The following SIL1 variants were observed in gnomAD, a reference collection of about 807,000 sequenced individuals.
SIL1 encodes the protein nucleotide exchange factor SIL1.
Under a neutral mutation model 49.1 loss-of-function variants are expected in SIL1, and 40 were observed. The ratio of observed to expected loss-of-function variants is 0.81; its 90% CI spans 0.63 to 1.06. SIL1 has a LOEUF of 1.06. Among genes scored for constraint, SIL1 ranks in the 50% least tolerant of loss-of-function variants. The pLI is 0.00. For synonymous variants in SIL1, 253 were observed against 250.8 expected (o/e 1.01, Z -0.08); for missense variants, 500 against 572.6 (o/e 0.87, Z 1.29).
At chr5:139,040,800 A>G (rs565426657) in intron 5 of SIL1, among the ~76,000 whole-genome samples, 3 of 152,206 alleles carry the variant, frequency 2.0e-5, no homozygotes, top group African/African-American at 7.2e-5. Flanking sequence ...TTAATTACAA[A>G]AACCAGCAAC....
chr5:139,142,214 G>A (rs548871564), intron 1 of SIL1, among the ~76,000 whole-genome samples: 2 of 152,222 alleles, frequency 1.3e-5, no homozygotes, highest in African/African-American at 2.4e-5. Context: ...TGCCTGTTAA[G>A]AAGGGTAGCA....
intron 7 of SIL1, among the ~76,000 whole-genome samples, chr5:138,976,151 T>C (rs1256061555): frequency 6.6e-6 from 1 of 152,156 alleles, no homozygotes; most frequent in African/African-American, 2.4e-5. Context: ...ACGGCCCAGA[T>C]ATTCCAGCCC....
At chr5:139,089,967 C>T (rs900209782) in intron 3 of SIL1, among the ~76,000 whole-genome samples, 2 of 152,130 alleles carry the variant, frequency 1.3e-5, no homozygotes, top group African/African-American at 2.4e-5. Flanking sequence ...ATAAATTTAA[C>T]CTCAATGTAA....
intron 7 of SIL1, among the ~76,000 whole-genome samples, chr5:138,959,897 C>A (rs929209425): frequency 6.6e-6 from 1 of 152,238 alleles, no homozygotes; most frequent in East Asian, 1.9e-4. Context: ...GGTCAAATCC[C>A]TAAAGGCTGC....
chr5:138,989,713 A>T (rs1273413519), intron 7 of SIL1, among the ~76,000 whole-genome samples: 4 of 152,300 alleles, frequency 2.6e-5, no homozygotes, highest in Non-Finnish European at 5.9e-5. Context: ...GCAAAAGGGG[A>T]AACTGCAGCT....
chr5:139,157,123 C>A (rs1751422135), intron 1 of SIL1, among the ~76,000 whole-genome samples: 1 of 152,230 alleles, frequency 6.6e-6, no homozygotes, highest in Admixed American at 6.5e-5. Flanking sequence ...CCACCAACAT[C>A]ACTGCAAAAG....
chr5:139,105,303 CAGA>C (rs1770675685), intron 3 of SIL1, among the ~76,000 whole-genome samples: 1 of 152,146 alleles, frequency 6.6e-6, no homozygotes, highest in African/African-American at 2.4e-5. Flanking sequence ...GGGTCCATTC[CAGA>C]AGAAGCTAGG....
chr5:138,978,190 A>C, intron 7 of SIL1, among the ~76,000 whole-genome samples: 1 of 131,592 alleles, frequency 7.6e-6, no homozygotes, highest in East Asian at 2.7e-4. Flanking sequence ...GCCCCCCCAT[A>C]CCTATTACTA....
intron 2 of SIL1, 42 bp downstream of exon 2, chr5:139,127,697 A>G (rs1750780667): frequency 1.3e-6 from 2 of 1,506,494 alleles, no homozygotes; most frequent in Admixed American, 1.8e-5. Flanking sequence ...CCTTCTCAAG[A>G]CCTCATCAAG....
intron 7 of SIL1, among the ~76,000 whole-genome samples, chr5:138,981,981 C>T (rs1317297780): frequency 5.9e-5 from 9 of 152,172 alleles, no homozygotes; most frequent in Non-Finnish European, 1.5e-5. Flanking sequence ...CCTCCCCAAG[C>T]CTCAGTTTCT....
In SIL1 at chr5:139,021,243, A is replaced by T; in HGVS notation, c.695T>A (p.Ile232Asn). Reference sequence around the variant, plus strand: ...GGGCTCTGTGCTGTTCAGCCCATTGATCACCACTTGAAGACCACCAAAGGA... The same window carrying T: ...GGGCTCTGTGCTGTTCAGCCCATTGTTCACCACTTGAAGACCACCAAAGGA... ...LLSFGGLQVV[I>N]NGLNSTEPLV... The change falls in exon 7 of 10, where the codon ATC becomes AAC. Residue 232 changes from isoleucine (I) to asparagine (N), a missense_variant. Transcript: ENST00000394817. 1.2e-6 allele frequency: 2 copies of T among 1,614,122 alleles called. No homozygotes were observed. The highest frequency in any genetic ancestry group is 8.5e-7 in the Non-Finnish European group (1 of 1,180,026).
chr5:139,105,249 C>A (rs553985713), intron 3 of SIL1, among the ~76,000 whole-genome samples: 2 of 152,172 alleles, frequency 1.3e-5, no homozygotes, highest in East Asian at 3.9e-4. Context: ...AACTGGAAGC[C>A]CAGATTTCAT....
At chr5:139,043,758 C>T (rs1769095553) in intron 4 of SIL1, among the ~76,000 whole-genome samples, 1 of 152,242 alleles carries the variant, frequency 6.6e-6, no homozygotes, top group Admixed American at 6.5e-5. Context: ...CATGTGGGAG[C>T]AAGGTTTTAC....
chr5:138,959,882 G>A (rs1766981513), intron 7 of SIL1, among the ~76,000 whole-genome samples: 1 of 152,202 alleles, frequency 6.6e-6, no homozygotes, highest in Non-Finnish European at 1.5e-5. Context: ...ACAGTGGCCT[G>A]CCTAGGTCAA....
chr5:139,173,386 C>T (rs1378979601), intron 1 of SIL1, among the ~76,000 whole-genome samples: 2 of 151,560 alleles, frequency 1.3e-5, no homozygotes, highest in African/African-American at 2.4e-5. Context: ...CCCATCTCTA[C>T]TAAAAATACA....
intron 3 of SIL1, among the ~76,000 whole-genome samples, chr5:139,109,953 G>A (rs1053370450): frequency 2.0e-5 from 3 of 151,808 alleles, no homozygotes; most frequent in African/African-American, 7.3e-5. Flanking sequence ...GGCAGATCAC[G>A]AGGTCAGGAG....
intron 7 of SIL1, among the ~76,000 whole-genome samples, chr5:138,965,926 G>A (rs1423069313): frequency 6.6e-6 from 1 of 151,842 alleles, no homozygotes; most frequent in African/African-American, 2.4e-5. Flanking sequence ...GTGACCATAT[G>A]TTCTGTTTAT....
At chr5:139,132,027 C>T (rs542629201) in intron 1 of SIL1, among the ~76,000 whole-genome samples, 1 of 152,236 alleles carries the variant, frequency 6.6e-6, no homozygotes, top group Non-Finnish European at 1.5e-5. Context: ...CCTCCCCTTC[C>T]ATGAGATACT....
At chr5:139,159,839 G>A (rs10074485) in intron 1 of SIL1, among the ~76,000 whole-genome samples, 29,686 of 152,038 alleles carry the variant, frequency 0.2, 6,494 homozygotes, top group African/African-American at 0.54. Context: ...TGATTTTGAA[G>A]TTCTTACTCA....
Sources: allele counts gnomAD v4.1 joint callset (sites outside exome capture counted in the v4.1 genomes callset), GRCh38; gene constraint gnomAD v4.1.1; transcripts MANE v1.5; gene names NCBI Gene and HGNC (gene_info 2026-07-23, HGNC 2026-07-21).